The following SLC9A9 variants were observed in gnomAD, a reference collection of about 807,000 sequenced individuals.
The protein encoded by SLC9A9 is solute carrier family 9 member A9.
A neutral mutation model predicts 77.8 loss-of-function variants in SLC9A9; 62 were observed. The ratio of observed to expected loss-of-function variants is 0.80; its 90% confidence interval spans 0.65 to 0.98. SLC9A9 has a LOEUF of 0.98. Ranked by LOEUF, SLC9A9 falls within the 50% of genes least tolerant of loss-of-function variation. The pLI is 0.00. For synonymous variants in SLC9A9, 320 were observed against 283.5 expected (o/e 1.13, Z -1.29); for missense variants, 775 against 774.9 (o/e 1.00, Z 0.00).
At chr3:143,771,772 G>C (rs1272827343) in intron 4 of SLC9A9, among the ~76,000 whole-genome samples, 1 of 152,176 alleles carries the variant, frequency 6.6e-6, no homozygotes, top group Non-Finnish European at 1.5e-5. Context: ...GCCCTCCCAG[G>C]CTCTTTTCTC....
intron 4 of SLC9A9, among the ~76,000 whole-genome samples, chr3:143,708,339 G>A (rs1273832048): frequency 6.6e-6 from 1 of 152,046 alleles, no homozygotes; most frequent in East Asian, 1.9e-4. Context: ...AGCAATGAAG[G>A]CAGTGCGAGA....
intron 12 of SLC9A9, among the ~76,000 whole-genome samples, chr3:143,458,293 C>T (rs1429230222): frequency 6.6e-6 from 1 of 151,926 alleles, no homozygotes; most frequent in African/African-American, 2.4e-5. Context: ...TTTTTTCATT[C>T]TTTTACACTT....
At chr3:143,323,338 T>G (rs1242153707) in intron 14 of SLC9A9, among the ~76,000 whole-genome samples, 1 of 152,112 alleles carries the variant, frequency 6.6e-6, no homozygotes, top group African/African-American at 2.4e-5. Flanking sequence ...AATGAATGAA[T>G]GGATAAAGTA....
intron 11 of SLC9A9, among the ~76,000 whole-genome samples, chr3:143,482,014 C>G (rs928037321): frequency 6.6e-6 from 1 of 152,168 alleles, no homozygotes; most frequent in Non-Finnish European, 1.5e-5. Flanking sequence ...ATGGCTTGAT[C>G]AGTTGGTCAC....
At chr3:143,824,123 C>T (rs1400393480) in intron 2 of SLC9A9, among the ~76,000 whole-genome samples, 2 of 152,090 alleles carry the variant, frequency 1.3e-5, no homozygotes, top group Non-Finnish European at 2.9e-5. Flanking sequence ...ACTTCCTGCC[C>T]CTAGGAGCAG....
chr3:143,785,584 C>A (rs1408192836), intron 4 of SLC9A9, among the ~76,000 whole-genome samples: 3 of 152,160 alleles, frequency 2.0e-5, no homozygotes, highest in South Asian at 2.1e-4. Context: ...TTAAAACAAC[C>A]GTTGTCTTAA....
chr3:143,507,707 T>A (rs1249407145), intron 9 of SLC9A9, among the ~76,000 whole-genome samples: 1 of 152,208 alleles, frequency 6.6e-6, no homozygotes, highest in Non-Finnish European at 1.5e-5. Context: ...AGAATACATG[T>A]CTTAGTTCTG....
intron 12 of SLC9A9, among the ~76,000 whole-genome samples, chr3:143,413,043 T>C (rs1383116731): frequency 6.6e-6 from 1 of 152,216 alleles, no homozygotes; most frequent in Non-Finnish European, 1.5e-5. Context: ...AGAAAACGCC[T>C]CTGAATCCTA....
chr3:143,500,215 T>C (rs532762167), intron 9 of SLC9A9, among the ~76,000 whole-genome samples: 2 of 152,200 alleles, frequency 1.3e-5, no homozygotes, highest in African/African-American at 4.8e-5. Context: ...TAGAAAGTTA[T>C]GTTTTTCAAA....
intron 5 of SLC9A9, among the ~76,000 whole-genome samples, chr3:143,667,461 A>G (rs1471719020): frequency 2.0e-5 from 3 of 152,230 alleles, no homozygotes. Flanking sequence ...CAATGGCAAC[A>G]AAAGCCAAAA....
chr3:143,626,444 T>C lies in SLC9A9; in HGVS notation c.755+25811A>G, dbSNP rs891659033. ...TGGAATATTATGCAGCCATAAAAAATGATGAGTTCATATCCTTTGTAGGGA... is the reference window on the plus strand; with the variant it reads ...TGGAATATTATGCAGCCATAAAAAACGATGAGTTCATATCCTTTGTAGGGA... On this transcript the variant is annotated intron_variant, in intron 6 of 15. Coordinates refer to ENST00000316549, the MANE Select transcript of SLC9A9 (RefSeq NM_173653.4). 2.6e-5 allele frequency among the ~76,000 whole-genome samples: 4 copies of C among 152,276 alleles called. No homozygotes were observed. The South Asian group carries it at 8.3e-4, about 32-fold the overall frequency.
At chr3:143,271,648 T>C (rs1388311320) in intron 14 of SLC9A9, among the ~76,000 whole-genome samples, 2 of 152,218 alleles carry the variant, frequency 1.3e-5, no homozygotes, top group Admixed American at 1.3e-4. Context: ...AAGGTGGTTC[T>C]ATACCCCTAA....
intron 9 of SLC9A9, among the ~76,000 whole-genome samples, chr3:143,525,364 C>G (rs1414537225): frequency 2.6e-5 from 4 of 152,120 alleles, no homozygotes; most frequent in African/African-American, 9.7e-5. Context: ...TCTATCTGAT[C>G]CATTTTGTAG....
chr3:143,624,831 T>C (rs975724556), intron 6 of SLC9A9, among the ~76,000 whole-genome samples: 5 of 152,192 alleles, frequency 3.3e-5, no homozygotes, highest in Non-Finnish European at 4.4e-5. Flanking sequence ...ATTGTCCCTG[T>C]TTGCAGATGA....
chr3:143,504,188 TC>T, intron 9 of SLC9A9: 1 of 323,760 alleles, frequency 3.1e-6, no homozygotes, highest in South Asian at 3.1e-5. Context: ...GGCAGCAATA[TC>T]CACTTTGCTA....
At position 143,796,815 on chromosome 3, in the gene SLC9A9, T is replaced by C. The variant is rs1456947676; in HGVS notation, c.456+11A>G. The C allele has an allele frequency of 6.4e-7, 1 of 1,574,790 alleles. No homozygotes were observed. Among genetic ancestry groups the C allele is most frequent in the Non-Finnish European group, 8.7e-7 (1 of 1,147,222 alleles). On this transcript the variant is annotated intron_variant, in intron 3 of 15. Coordinates refer to ENST00000316549, the MANE Select transcript of SLC9A9 (RefSeq NM_173653.4). ...AATGATAAAAGAAGAAAATGATCAC[T>C]ATATATTTACCTTCTTTAGACTATA...
intron 12 of SLC9A9, among the ~76,000 whole-genome samples, chr3:143,404,379 C>T (rs936799228): frequency 1.3e-5 from 2 of 152,010 alleles, no homozygotes; most frequent in Admixed American, 1.3e-4. Context: ...ACCATGTTGG[C>T]TAGGCTGGTC....
intron 2 of SLC9A9, among the ~76,000 whole-genome samples, chr3:143,810,446 A>G (rs187981168): frequency 1.6e-4 from 25 of 152,332 alleles, no homozygotes; most frequent in Non-Finnish European, 2.9e-4. Context: ...TCTTTTAAAA[A>G]CATTGTTTCA....
At chr3:143,744,416 T>A (rs1935156420) in intron 4 of SLC9A9, among the ~76,000 whole-genome samples, 1 of 152,168 alleles carries the variant, frequency 6.6e-6, no homozygotes, top group South Asian at 2.1e-4. Context: ...CCAGGCTGTG[T>A]TAATTGGAGA....
Sources: allele counts gnomAD v4.1 joint callset (sites outside exome capture counted in the v4.1 genomes callset), GRCh38; gene constraint gnomAD v4.1.1; transcripts MANE v1.5; gene names NCBI Gene and HGNC (gene_info 2026-07-23, HGNC 2026-07-21).